The following LINGO2 variants were observed in gnomAD, a reference collection of about 807,000 sequenced individuals.
LINGO2 encodes the protein leucine-rich repeat and immunoglobulin-like domain-containing nogo receptor-interacting protein 2.
Under a neutral mutation model 30.6 loss-of-function variants are expected in LINGO2, and 14 were observed. The ratio of observed to expected loss-of-function variants is 0.46; its 90% CI spans 0.30 to 0.72. The LOEUF (loss-of-function observed/expected upper bound fraction) is 0.72, where lower values mean the gene tolerates loss of function less well. Among genes scored for constraint, LINGO2 ranks in the 30% least tolerant of loss-of-function variants. The probability of loss-of-function intolerance (pLI) is 0.07; values close to 1 mark genes in which losing one functional copy is unlikely to be tolerated. For synonymous variants in LINGO2, 317 were observed against 288.5 expected (o/e 1.10, Z -1.00); for missense variants, 729 against 751.7 (o/e 0.97, Z 0.35).
chr9:28,492,199 T>C (rs993558865), intron 1 of LINGO2, among the ~76,000 whole-genome samples: 4 of 152,202 alleles, frequency 2.6e-5, no homozygotes, highest in African/African-American at 7.2e-5. Context: ...CCATTCGGTG[T>C]TGTGTATCTT....
the LINGO2 span, among the ~76,000 whole-genome samples, chr9:28,771,004 G>A: frequency 1.3e-5 from 2 of 152,112 alleles, no homozygotes; most frequent in Admixed American, 6.5e-5. Context: ...GTTCTCATTA[G>A]CCAAGTGCTC....
chr9:29,097,939 A>C, the LINGO2 span, among the ~76,000 whole-genome samples: 1 of 91,404 alleles, frequency 1.1e-5, no homozygotes, highest in South Asian at 3.1e-4. Context: ...AATACACTGG[A>C]AAGATTATGG....
chr9:28,376,111 C>T (rs551661887), intron 2 of LINGO2, among the ~76,000 whole-genome samples: 4 of 143,584 alleles, frequency 2.8e-5, no homozygotes, highest in African/African-American at 5.3e-5. Flanking sequence ...TTGTAATAAA[C>T]GGACAAGTGC....
the LINGO2 span, among the ~76,000 whole-genome samples, chr9:29,190,046 AGGGAG>A: frequency 5.0e-4 from 11 of 22,192 alleles, no homozygotes; most frequent in African/African-American, 1.6e-3. Context: ...GGAGAGGGAG[AGGGAG>A]GGGGAGGGGG....
intron 4 of LINGO2, among the ~76,000 whole-genome samples, chr9:28,038,570 G>T (rs1010384284): frequency 6.6e-6 from 1 of 152,016 alleles, no homozygotes; most frequent in African/African-American, 2.4e-5. Flanking sequence ...GTGGGCGCCT[G>T]TAGTCCCAGC....
chr9:28,049,863 C>T lies in LINGO2; in HGVS notation c.-86-37458G>A, dbSNP rs372219109. Among the ~76,000 whole-genome samples the T allele has an allele frequency of 1.2e-4, 18 of 150,614 alleles. 3 individuals are homozygous for T. The East Asian group carries it at 3.4e-3, about 28-fold the overall frequency. The stretch of plus-strand genomic sequence containing the variant: ...GACTCCATTCCATAAGTCACTGAAG[C>T]CTCTGAAGATTTTTAAATCAAGAGA... On this transcript the variant is annotated intron_variant, in intron 4 of 5. Transcript: ENST00000379992.
At chr9:28,948,871 G>A in the LINGO2 span, among the ~76,000 whole-genome samples, 15 of 151,568 alleles carry the variant, frequency 9.9e-5, no homozygotes, top group Admixed American at 2.0e-4. Context: ...CTATTTTTAC[G>A]AATACAGTAA....
intron 1 of LINGO2, among the ~76,000 whole-genome samples, chr9:28,563,805 G>A (rs567370616): frequency 1.9e-4 from 29 of 152,238 alleles, no homozygotes; most frequent in African/African-American, 6.5e-4. Flanking sequence ...GACATTCAGT[G>A]CCCAGAATCG....
chr9:28,806,449 T>C, the LINGO2 span, among the ~76,000 whole-genome samples: 1 of 152,162 alleles, frequency 6.6e-6, no homozygotes, highest in Non-Finnish European at 1.5e-5. Flanking sequence ...CAAGTTCTCA[T>C]ATCATCCCCA....
intron 3 of LINGO2, among the ~76,000 whole-genome samples, chr9:28,358,733 G>A (rs1409977003): frequency 1.3e-5 from 2 of 152,110 alleles, no homozygotes; most frequent in African/African-American, 4.8e-5. Flanking sequence ...GGGTTGACGT[G>A]AAGCACTACA....
intron 5 of LINGO2, among the ~76,000 whole-genome samples, chr9:27,998,319 G>T (rs950602600): frequency 2.0e-5 from 3 of 152,152 alleles, no homozygotes; most frequent in African/African-American, 7.2e-5. Context: ...AATGCCAACT[G>T]CTCAAAGACC....
the LINGO2 span, among the ~76,000 whole-genome samples, chr9:28,934,373 G>T: frequency 6.6e-6 from 1 of 152,176 alleles, no homozygotes; most frequent in Non-Finnish European, 1.5e-5. Context: ...ACTAATGTGA[G>T]TGAGCTAGGA....
chr9:28,957,648 C>A, the LINGO2 span, among the ~76,000 whole-genome samples: 1 of 152,100 alleles, frequency 6.6e-6, no homozygotes, highest in Non-Finnish European at 1.5e-5. Flanking sequence ...AGTTGAGTGG[C>A]TTCCATTTTC....
chr9:28,264,520 T>A (rs1036630506), intron 4 of LINGO2, among the ~76,000 whole-genome samples: 1 of 151,986 alleles, frequency 6.6e-6, no homozygotes, highest in Non-Finnish European at 1.5e-5. Context: ...TCTGAAATAT[T>A]CCTGTTAGCT....
chr9:28,515,425 C>G (rs1820583267), intron 1 of LINGO2, among the ~76,000 whole-genome samples: 2 of 152,116 alleles, frequency 1.3e-5, no homozygotes, highest in Admixed American at 1.3e-4. Flanking sequence ...CCAGGATGCT[C>G]TCTATCTCCT....
the LINGO2 span, among the ~76,000 whole-genome samples, chr9:28,924,101 C>T: frequency 6.6e-6 from 1 of 152,236 alleles, no homozygotes; most frequent in African/African-American, 2.4e-5. Context: ...TGAATACAAT[C>T]TAAGCATCTT....
At chr9:27,977,699 C>A (rs1270194351) in intron 5 of LINGO2, among the ~76,000 whole-genome samples, 1 of 151,620 alleles carries the variant, frequency 6.6e-6, no homozygotes, top group Non-Finnish European at 1.5e-5. Flanking sequence ...GATCTCTAAA[C>A]TTTTCTCCCC....
At chr9:28,640,720 G>A (rs527881461) in intron 1 of LINGO2, among the ~76,000 whole-genome samples, 2 of 151,950 alleles carry the variant, frequency 1.3e-5, no homozygotes, top group Non-Finnish European at 2.9e-5. Flanking sequence ...TCTAGTTAGC[G>A]ATTCGTCTAA....
chr9:28,224,144 A>G (rs866667284), intron 4 of LINGO2, among the ~76,000 whole-genome samples: 1 of 152,156 alleles, frequency 6.6e-6, no homozygotes, highest in Non-Finnish European at 1.5e-5. Context: ...GGCTCACTGC[A>G]AGCTCTGCCT....
Sources: gnomAD v4.1 joint callset for allele counts (sites outside exome capture counted in the v4.1 genomes callset) on GRCh38, gnomAD v4.1.1 for gene constraint, MANE v1.5 for transcripts, NCBI Gene and HGNC (gene_info 2026-07-23, HGNC 2026-07-21) for gene names.